Variants in NRXN1 observed in about 807,000 individuals in gnomAD.
The protein encoded by NRXN1 is neurexin-1.
In NRXN1, 39 loss-of-function variants were observed where a neutral mutation model predicts 150.9. The observed-to-expected ratio is 0.26, with a 90% CI of 0.20 to 0.34. NRXN1 has a LOEUF of 0.34. NRXN1 is among the 10% of genes least tolerant of loss of function. NRXN1 has a pLI of 1.00. For synonymous variants in NRXN1, 924 were observed against 757.0 expected, an observed-to-expected ratio of 1.22 and a Z score of -3.62; for missense variants, 1,815 against 1,949.9, an observed-to-expected ratio of 0.93 and a Z score of 1.30.
chr2:50,112,388 C>T (rs1702490180), intron 18 of NRXN1, among the ~76,000 whole-genome samples: 1 of 152,154 alleles, frequency 6.6e-6, no homozygotes, highest in Admixed American at 6.5e-5. Context: ...GTCATTACAC[C>T]ATCTTACTGA....
chr2:50,298,768 T>C lies in NRXN1; in HGVS notation c.3365-61798A>G, dbSNP rs139331865. On this transcript the variant is annotated intron_variant, in intron 17 of 22. Transcript: ENST00000401669. ...TGTCTTATTCTACACATAATGTTTG[T>C]GAAATGCATGTAGCTTAGTTGTCTG... Among the ~76,000 whole-genome samples, 49 of 152,304 alleles carry C rather than the reference T, an allele frequency of 3.2e-4. 1 individual carries two copies. The highest frequency in any genetic ancestry group is 1.1e-3 in the African/African-American group (47 of 41,578).
intron 21 of NRXN1, among the ~76,000 whole-genome samples, chr2:49,979,426 G>A (rs1349345145): frequency 1.3e-5 from 2 of 152,232 alleles, no homozygotes; most frequent in Non-Finnish European, 2.9e-5. Flanking sequence ...GGGAGAGGAA[G>A]TATTATCTTC....
At chr2:50,074,851 A>G (rs553024562) in intron 19 of NRXN1, among the ~76,000 whole-genome samples, 1 of 152,296 alleles carries the variant, frequency 6.6e-6, no homozygotes, top group African/African-American at 2.4e-5. Flanking sequence ...GGAGCTTCTC[A>G]TTTTGGTTTG....
intron 18 of NRXN1, among the ~76,000 whole-genome samples, chr2:50,194,137 A>G (rs1447468506): frequency 6.6e-6 from 1 of 152,202 alleles, no homozygotes; most frequent in East Asian, 1.9e-4. Context: ...TTCTGATTAC[A>G]TAATGGTAAA....
intron 5 of NRXN1, among the ~76,000 whole-genome samples, chr2:50,885,216 T>C (rs566093604): frequency 1.3e-5 from 2 of 151,556 alleles, no homozygotes; most frequent in Non-Finnish European, 3.0e-5. Flanking sequence ...CTATCTTTTT[T>C]GGTCTGCTGT....
chr2:50,824,145 C>A (rs1023207554), intron 5 of NRXN1, among the ~76,000 whole-genome samples: 20 of 151,560 alleles, frequency 1.3e-4, no homozygotes, highest in Non-Finnish European at 2.7e-4. Flanking sequence ...TTTTCACACA[C>A]AAAAAAGAGA....
intron 5 of NRXN1, among the ~76,000 whole-genome samples, chr2:50,746,987 C>T (rs1251691393): frequency 6.6e-6 from 1 of 152,072 alleles, no homozygotes. Flanking sequence ...GCTCACACTC[C>T]TGTTGACAAG....
At chr2:50,726,223 T>C (rs1697348085) in intron 5 of NRXN1, among the ~76,000 whole-genome samples, 1 of 152,242 alleles carries the variant, frequency 6.6e-6, no homozygotes, top group African/African-American at 2.4e-5. Context: ...TTATTTGTGC[T>C]GTGATTCATG....
chr2:50,053,807 C>T (rs560185633), intron 20 of NRXN1, among the ~76,000 whole-genome samples: 15 of 152,266 alleles, frequency 9.9e-5, no homozygotes, highest in African/African-American at 3.6e-4. Flanking sequence ...AAATGTAGTG[C>T]TTTTGCTAAA....
intron 12 of NRXN1, among the ~76,000 whole-genome samples, chr2:50,524,693 T>G (rs1366698907): frequency 6.6e-6 from 1 of 151,996 alleles, no homozygotes; most frequent in African/African-American, 2.4e-5. Flanking sequence ...GTTACTGATA[T>G]GACAATTAGG....
At chr2:50,811,174 T>C (rs925208091) in intron 5 of NRXN1, among the ~76,000 whole-genome samples, 1 of 152,114 alleles carries the variant, frequency 6.6e-6, no homozygotes, top group African/African-American at 2.4e-5. Context: ...ATAATACATA[T>C]CCTTTCTCTC....
intron 19 of NRXN1, among the ~76,000 whole-genome samples, chr2:50,070,998 T>G (rs1294517779): frequency 6.6e-6 from 1 of 152,190 alleles, no homozygotes; most frequent in Admixed American, 6.5e-5. Flanking sequence ...CAGAACAGAA[T>G]GAAGACAAGA....
At chr2:50,350,413 T>C (rs931283207) in intron 17 of NRXN1, among the ~76,000 whole-genome samples, 7 of 152,140 alleles carry the variant, frequency 4.6e-5, no homozygotes, top group Admixed American at 4.6e-4. Flanking sequence ...AGACCTAAAA[T>C]AGCGCACTTG....
chr2:50,576,345 T>A (rs1671432125), intron 8 of NRXN1, among the ~76,000 whole-genome samples: 1 of 152,168 alleles, frequency 6.6e-6, no homozygotes, highest in Non-Finnish European at 1.5e-5. Context: ...AATAGATTTT[T>A]TTTGGCATTT....
intron 17 of NRXN1, among the ~76,000 whole-genome samples, chr2:50,243,060 A>G (rs1262838700): frequency 2.0e-5 from 3 of 151,804 alleles, no homozygotes; most frequent in African/African-American, 4.8e-5. Flanking sequence ...AACAGATACA[A>G]AGTTACGGTT....
intron 19 of NRXN1, among the ~76,000 whole-genome samples, chr2:50,055,818 T>A (rs746623251): frequency 2.0e-4 from 30 of 152,220 alleles, no homozygotes; most frequent in Admixed American, 4.6e-4. Context: ...TATCTGCTTT[T>A]TATTAAGTTA....
At chr2:50,082,164 G>C (rs1261338748) in intron 19 of NRXN1, among the ~76,000 whole-genome samples, 1 of 152,062 alleles carries the variant, frequency 6.6e-6, no homozygotes, top group Non-Finnish European at 1.5e-5. Context: ...TTTTATATCT[G>C]ACATGATTAA....
chr2:50,617,127 T>A (rs1239360950), intron 8 of NRXN1, among the ~76,000 whole-genome samples: 1 of 152,054 alleles, frequency 6.6e-6, no homozygotes, highest in African/African-American at 2.4e-5. Context: ...ATGGAAACTA[T>A]CAACAACTAA....
chr2:50,101,180 T>G (rs1169298545), intron 18 of NRXN1, among the ~76,000 whole-genome samples: 1 of 152,124 alleles, frequency 6.6e-6, no homozygotes, highest in Non-Finnish European at 1.5e-5. Context: ...ACAGTCACAT[T>G]GTACAGTAAT....
Sources: gnomAD v4.1 joint callset for allele counts (sites outside exome capture counted in the v4.1 genomes callset) on GRCh38, gnomAD v4.1.1 for gene constraint, MANE v1.5 for transcripts, NCBI Gene and HGNC (gene_info 2026-07-23, HGNC 2026-07-21) for gene names.